HK2: variants seen among roughly 807,000 people sequenced by gnomAD.
HK2 encodes the protein hexokinase-2.
Under a neutral mutation model 92.9 loss-of-function variants are expected in HK2, and 42 were observed. The ratio of observed to expected loss-of-function variants is 0.45; its 90% CI spans 0.35 to 0.58. The LOEUF (loss-of-function observed/expected upper bound fraction) is 0.58. Ranked by LOEUF, HK2 falls within the 20% of genes least tolerant of loss-of-function variation. The pLI, the probability that HK2 is intolerant of heterozygous loss-of-function variation, is 0.00. For missense variants in HK2, 978 were observed against 1,245.1 expected (o/e 0.79, Z 3.23); for synonymous variants, 422 against 468.0 (o/e 0.90, Z 1.27).
intron 2 of HK2, among the ~76,000 whole-genome samples, chr2:74,866,713 C>T (rs558607425): frequency 1.3e-5 from 2 of 152,168 alleles, no homozygotes; most frequent in Admixed American, 1.3e-4. Context: ...CCTGCTCCCC[C>T]ACAGCTTTTC....
At chr2:74,835,110 G>C (rs1688124974) in intron 1 of HK2, 1 of 239,666 alleles carries the variant, frequency 4.2e-6, no homozygotes, top group Non-Finnish European at 8.3e-6. Flanking sequence ...GCGTGTAGGA[G>C]ACGAGCGGTT....
intron 1 of HK2, among the ~76,000 whole-genome samples, chr2:74,840,904 A>AG (rs1553445433): frequency 0.033 from 3,739 of 113,948 alleles, 291 homozygotes; most frequent in East Asian, 0.052. Flanking sequence ...AAAAAAAAAA[A>AG]GCTGTGGGGG....
rs918447423 is a variant in HK2, at chr2:74,834,835, G to C, written c.63+192G>C. On this transcript the variant is annotated intron_variant, in intron 1 of 17. Coordinates refer to ENST00000290573, the MANE Select transcript of HK2 (RefSeq NM_000189.5). This position sits in a 1 kb window ranked among gnomAD's most constrained non-coding sequence, Gnocchi z 4.2. ...CTAAGCACAGCCGGCGAGTGCGCGC[G>C]GGCGGGGAGCCGAGGTCGCGCTCCG... Among the ~76,000 whole-genome samples, 4 of 147,318 alleles carry C rather than the reference G, an allele frequency of 2.7e-5. No homozygotes were observed. Among genetic ancestry groups the C allele is most frequent in the Non-Finnish European group, 4.6e-5 (3 of 64,538 alleles).
intron 10 of HK2, among the ~76,000 whole-genome samples, chr2:74,881,266 A>G (rs146021401): frequency 8.5e-5 from 13 of 152,320 alleles, no homozygotes; most frequent in African/African-American, 2.9e-4. Flanking sequence ...TCTTATTCCA[A>G]TTCAGAGAAG....
Position 74,890,870 on chromosome 2 carries a change from G to A in HK2, c.2683G>A (p.Asp895Asn), listed in dbSNP as rs1189851267. The change falls in exon 18 of 18, where the codon GAT becomes AAT. Residue 895 changes from aspartate to asparagine, a missense_variant. By Grantham distance (23) the Asp-to-Asn change is conservative. Coordinates refer to ENST00000290573, the MANE Select transcript of HK2 (RefSeq NM_000189.5). Reference sequence around the variant, plus strand: ...TGATGTGTCTTTCCTGCAGTCAGAGGATGGCAGCGGGAAGGGGGCGGCGCT... The same window carrying A: ...TGATGTGTCTTTCCTGCAGTCAGAGAATGGCAGCGGGAAGGGGGCGGCGCT... ...KCDVSFLQSE[D>N]GSGKGAALIT... The A allele has an allele frequency of 1.2e-6, 2 of 1,614,118 alleles. No individual in the cohort carries two copies. The highest frequency in any genetic ancestry group is 1.7e-6 in the Non-Finnish European group (2 of 1,180,060).
At chr2:74,856,187 G>A (rs1389307789) in intron 2 of HK2, among the ~76,000 whole-genome samples, 3 of 152,154 alleles carry the variant, frequency 2.0e-5, no homozygotes, top group Non-Finnish European at 4.4e-5. Flanking sequence ...GTCAGGGCTT[G>A]TTAATGCCAC....
rs756566558 is a variant in HK2, at chr2:74,834,675, G to T, written c.63+32G>T. On this transcript the variant is annotated intron_variant, in intron 1 of 17. Transcript: ENST00000290573. This position sits in a 1 kb window ranked among gnomAD's most constrained non-coding sequence, Gnocchi z 4.2. ...CAGCGCGGGCGGGGCGGCAGGCTGG[G>T]CTCTGGCAAAGTGGTCTGGCCTCCA... is the stretch of plus-strand genomic sequence containing the variant. 1 of 1,611,054 alleles carries T rather than the reference G, an allele frequency of 6.2e-7. No individual in the cohort carries two copies. The highest frequency in any genetic ancestry group is 1.3e-5 in the African/African-American group (1 of 74,806).
At chr2:74,859,160 C>T in intron 2 of HK2, among the ~76,000 whole-genome samples, 1 of 152,170 alleles carries the variant, frequency 6.6e-6, no homozygotes, top group East Asian at 1.9e-4. Flanking sequence ...TTTATCAACC[C>T]CCCAATCCTT....
At chr2:74,875,558 A>G (rs1465164427) in intron 7 of HK2, among the ~76,000 whole-genome samples, 1 of 151,810 alleles carries the variant, frequency 6.6e-6, no homozygotes, top group Non-Finnish European at 1.5e-5. Context: ...CGAACTCCCG[A>G]CCTCAGGCGG....
Position 74,882,160 on chromosome 2 carries a change from A to T in HK2, c.1760A>T (p.Glu587Val), listed in dbSNP as rs1689411552. The change falls in exon 12 of 18, where the codon GAG (glutamate) becomes GTG (valine). Residue 587 changes from glutamate (E) to valine (V), a missense_variant. Coordinates refer to ENST00000290573, the MANE Select transcript of HK2 (RefSeq NM_000189.5). ...GTCCAGTGCATCGCGGACTTCCTCG[A>T]GTACATGGGCATGAAGGGCGTGTCC... ...HIVQCIADFL[E>V]YMGMKGVSLP... 1 of 1,614,032 alleles carries T rather than the reference A, an allele frequency of 6.2e-7. No individual in the cohort carries two copies. The highest frequency in any genetic ancestry group is 8.5e-7 in the Non-Finnish European group (1 of 1,180,038).
chr2:74,858,895 G>T (rs1688751382), intron 2 of HK2, among the ~76,000 whole-genome samples: 1 of 152,126 alleles, frequency 6.6e-6, no homozygotes, highest in African/African-American at 2.4e-5. Flanking sequence ...CCGTAGGGGT[G>T]AAATGTTCAA....
intron 12 of HK2, among the ~76,000 whole-genome samples, chr2:74,883,367 CAT>C (rs763849852): frequency 2.6e-4 from 39 of 152,140 alleles, no homozygotes; most frequent in Non-Finnish European, 3.7e-4. Context: ...AATCCGAGTG[CAT>C]ACCTGGGGGA....
chr2:74,849,632 T>C (rs1263574714), intron 1 of HK2, among the ~76,000 whole-genome samples: 1 of 151,806 alleles, frequency 6.6e-6, no homozygotes, highest in African/African-American at 2.4e-5. Flanking sequence ...CTAAGGAGGG[T>C]TGAGAAATGT....
At chr2:74,859,634 CAAAAA>C (rs1192137666) in intron 2 of HK2, among the ~76,000 whole-genome samples, 2 of 149,890 alleles carry the variant, frequency 1.3e-5, no homozygotes, top group Non-Finnish European at 3.0e-5. Context: ...GACTCCATCT[CAAAAA>C]AAAAGAGTAT....
chr2:74,874,061 G>C (rs1267813599), intron 6 of HK2, 118 bp downstream of exon 6: 17 of 973,362 alleles, frequency 1.7e-5, no homozygotes, highest in Non-Finnish European at 2.6e-5. Flanking sequence ...AGAAGATAAT[G>C]GTCCAGTCAC....
chr2:74,844,870 GTTAC>G (rs1688401212), intron 1 of HK2, among the ~76,000 whole-genome samples: 1 of 152,228 alleles, frequency 6.6e-6, no homozygotes, highest in African/African-American at 2.4e-5. Flanking sequence ...CCTTCACCAA[GTTAC>G]TTGTCAACTT....
At position 74,884,640 on chromosome 2, in the gene HK2, A is replaced by G. The variant is rs775725075; in HGVS notation, c.1840-854A>G. ...ATGAAATGCCAAGCTGATGGGCATG[A>G]ATCCCTGAGCAAGGCCTGGAGAAAT... On this transcript the variant is annotated intron_variant, in intron 12 of 17. Coordinates refer to ENST00000290573, the MANE Select transcript of HK2 (RefSeq NM_000189.5). Among the ~76,000 whole-genome samples the G allele has an allele frequency of 5.3e-5, 8 of 152,308 alleles. No individual in the cohort carries two copies. The South Asian group carries it at 1.2e-3, about 24-fold the overall frequency.
chr2:74,879,388 A>G (rs1042447995), intron 9 of HK2, among the ~76,000 whole-genome samples: 2 of 152,292 alleles, frequency 1.3e-5, no homozygotes, highest in East Asian at 3.9e-4. Flanking sequence ...ATGTCAGCTG[A>G]GACCTGGAAG....
At chr2:74,857,285 T>C (rs1186779031) in intron 2 of HK2, among the ~76,000 whole-genome samples, 1 of 152,232 alleles carries the variant, frequency 6.6e-6, no homozygotes, top group Non-Finnish European at 1.5e-5. Flanking sequence ...CTACTAGAAC[T>C]ATTGTGCTAG....
Sources: gnomAD v4.1 joint callset for allele counts (sites outside exome capture counted in the v4.1 genomes callset) on GRCh38, gnomAD v4.1.1 for gene constraint, Gnocchi (gnomAD v3.1) non-coding constraint, MANE v1.5 for transcripts, NCBI Gene and HGNC (gene_info 2026-07-23, HGNC 2026-07-21) for gene names.